Variants in FAM114A1 observed in about 807,000 individuals in gnomAD.
FAM114A1 encodes protein NOXP20.
A neutral mutation model predicts 64.3 loss-of-function variants in FAM114A1; 62 were observed. The observed-to-expected ratio is 0.96, with a 90% CI of 0.79 to 1.19. FAM114A1 has a LOEUF of 1.19. Among genes scored for constraint, FAM114A1 ranks in the 50% most tolerant of loss-of-function variants. The pLI is 0.00. For missense variants in FAM114A1, 645 were observed against 676.3 expected, an observed-to-expected ratio of 0.95 and a Z score of 0.51; for synonymous variants, 254 against 251.1, an observed-to-expected ratio of 1.01 and a Z score of -0.11.
intron 8 of FAM114A1, among the ~76,000 whole-genome samples, chr4:38,915,845 A>G (rs1719004823): frequency 6.6e-6 from 1 of 151,896 alleles, no homozygotes; most frequent in African/African-American, 2.4e-5. Context: ...TCTAAATACC[A>G]TAAAACTGTT....
chr4:38,928,033 T>A (rs371289015), intron 9 of FAM114A1, among the ~76,000 whole-genome samples: 1 of 152,210 alleles, frequency 6.6e-6, no homozygotes. Context: ...ATAGATGAGT[T>A]ATAGGTAATA....
chr4:38,922,919 A>G, intron 9 of FAM114A1, 26 bp downstream of exon 9: 1 of 1,596,162 alleles, frequency 6.3e-7, no homozygotes, highest in Non-Finnish European at 8.5e-7. Flanking sequence ...TTAAATAGCA[A>G]GACAAACTGT....
At chr4:38,937,272 A>G (rs1721191045) in intron 13 of FAM114A1, among the ~76,000 whole-genome samples, 1 of 152,182 alleles carries the variant, frequency 6.6e-6, no homozygotes, top group Non-Finnish European at 1.5e-5. Flanking sequence ...GCATGGTGGT[A>G]TCAGGGCCTT....
Position 38,944,213 on chromosome 4 carries a change from T to C in FAM114A1, c.*656T>C, listed in dbSNP as rs28634408. The C allele has an allele frequency of 0.27, 40,494 of 151,744 alleles. 8,338 individuals are homozygous for C. The highest frequency in any genetic ancestry group is 0.57 in the African/African-American group (23,545 of 41,238). The allele number at this position is 151,744 out of a possible 1,614,324, so 9.4% of individuals were successfully genotyped here. ...CCTCCTGAGTAGCTGGGACTACAGG[T>C]GTGTGCCACCACGCCCAGCCAATTT... On this transcript the variant is annotated 3_prime_UTR_variant, in exon 15 of 15. Coordinates refer to ENST00000358869, the MANE Select transcript of FAM114A1 (RefSeq NM_138389.4).
At chr4:38,885,797 G>A (rs1410475563) in intron 3 of FAM114A1, among the ~76,000 whole-genome samples, 1 of 152,178 alleles carries the variant, frequency 6.6e-6, no homozygotes, top group Non-Finnish European at 1.5e-5. Flanking sequence ...ACCCTGGACT[G>A]TGCATATTTT....
chr4:38,924,996 G>T (rs899643989), intron 9 of FAM114A1, among the ~76,000 whole-genome samples: 1 of 152,196 alleles, frequency 6.6e-6, no homozygotes, highest in South Asian at 2.1e-4. Flanking sequence ...TCCCCAACTG[G>T]TGCTATTCCT....
chr4:38,912,445 C>T lies in FAM114A1; in HGVS notation c.793-2476C>T, dbSNP rs537679237. On this transcript the variant is annotated intron_variant, in intron 7 of 14. Transcript: ENST00000358869. Reference sequence around the variant, plus strand: ...TGTCACCCAGGCTGGAGTGCAATGGCGCAATCTTGGCTCACTGCAACCTCC... The same window carrying T: ...TGTCACCCAGGCTGGAGTGCAATGGTGCAATCTTGGCTCACTGCAACCTCC... Among the ~76,000 whole-genome samples, 8 of 152,212 alleles carry T rather than the reference C, an allele frequency of 5.3e-5. No homozygotes were observed. In the South Asian group the frequency reaches 1.2e-3, roughly 24 times the overall value.
chr4:38,929,464 G>A, intron 10 of FAM114A1, 131 bp downstream of exon 10: 1 of 681,574 alleles, frequency 1.5e-6, no homozygotes, highest in South Asian at 1.8e-5. Flanking sequence ...GCCGGGAGAG[G>A]AGTTTGAGGT....
chr4:38,930,988 T>C (rs890870794), intron 10 of FAM114A1, among the ~76,000 whole-genome samples: 1 of 152,134 alleles, frequency 6.6e-6, no homozygotes, highest in East Asian at 1.9e-4. Flanking sequence ...GCATGATACA[T>C]TGTTAGGTTC....
At chr4:38,905,925 A>G in intron 6 of FAM114A1, 64 bp downstream of exon 6, 1 of 1,417,380 alleles carries the variant, frequency 7.1e-7, no homozygotes, top group Non-Finnish European at 9.6e-7. Context: ...TGATATTTCC[A>G]TTTACCAGTG....
intron 13 of FAM114A1, among the ~76,000 whole-genome samples, chr4:38,940,655 G>A (rs1222380193): frequency 6.6e-6 from 1 of 152,068 alleles, no homozygotes; most frequent in African/African-American, 2.4e-5. Context: ...AATTTACATA[G>A]TGAAAAAGGT....
intron 3 of FAM114A1, among the ~76,000 whole-genome samples, chr4:38,888,410 C>T (rs1037820150): frequency 6.6e-6 from 1 of 152,032 alleles, no homozygotes; most frequent in South Asian, 2.1e-4. Flanking sequence ...GTAATCTCAG[C>T]TACTTGGGAG....
intron 3 of FAM114A1, among the ~76,000 whole-genome samples, 162 bp from the exon 4 acceptor site, chr4:38,891,581 T>C (rs1208210681): frequency 6.6e-6 from 1 of 152,230 alleles, no homozygotes; most frequent in Non-Finnish European, 1.5e-5. Context: ...CATTGCAGTG[T>C]GGTTTGGGAT....
chr4:38,889,155 G>A (rs997495214), intron 3 of FAM114A1, among the ~76,000 whole-genome samples: 3 of 152,230 alleles, frequency 2.0e-5, no homozygotes, highest in African/African-American at 7.2e-5. Context: ...ATAAATTTGA[G>A]TCAGAAGCTG....
chr4:38,934,964 G>T (rs907174823), intron 12 of FAM114A1, among the ~76,000 whole-genome samples: 1 of 151,806 alleles, frequency 6.6e-6, no homozygotes, highest in African/African-American at 2.4e-5. Flanking sequence ...GCCCAGGCTG[G>T]AATGCAATGG....
chr4:38,882,391 A>G lies in FAM114A1; in HGVS notation c.348+3965A>G, dbSNP rs187554138. Among the ~76,000 whole-genome samples the G allele has an allele frequency of 5.5e-3, 806 of 147,664 alleles. 8 individuals are homozygous for G. The highest frequency in any genetic ancestry group is 0.019 in the African/African-American group (756 of 39,936). ...ACACCTGTAATCCCAGCACTTTGGGAGGCCGAGGGGACCGGATCACCTGAG... is the reference window on the plus strand; with the variant it reads ...ACACCTGTAATCCCAGCACTTTGGGGGGCCGAGGGGACCGGATCACCTGAG... On this transcript the variant is annotated intron_variant, in intron 3 of 14. Coordinates refer to ENST00000358869, the MANE Select transcript of FAM114A1 (RefSeq NM_138389.4).
intron 13 of FAM114A1, chr4:38,938,603 T>A (rs1023333214): frequency 6.6e-6 from 1 of 152,210 alleles, no homozygotes; most frequent in Admixed American, 6.5e-5. Flanking sequence ...GACTTTGATA[T>A]AAACACTAGG....
At chr4:38,880,614 C>A (rs986024908) in intron 3 of FAM114A1, among the ~76,000 whole-genome samples, 28 of 152,150 alleles carry the variant, frequency 1.8e-4, no homozygotes, top group African/African-American at 6.0e-4. Context: ...TAGGAAATGG[C>A]AGAGTGAGGA....
chr4:38,923,252 T>G, intron 9 of FAM114A1, among the ~76,000 whole-genome samples: 1 of 130,318 alleles, frequency 7.7e-6, no homozygotes, highest in African/African-American at 2.9e-5. Flanking sequence ...TGAGATGGAG[T>G]CTCGCTCTGT....
Sources: gnomAD v4.1 joint callset for allele counts (sites outside exome capture counted in the v4.1 genomes callset) on GRCh38, gnomAD v4.1.1 for gene constraint, MANE v1.5 for transcripts, NCBI Gene and HGNC (gene_info 2026-07-23, HGNC 2026-07-21) for gene names.